CLVS1: variants seen among roughly 807,000 people sequenced by gnomAD.
The protein encoded by CLVS1 is clavesin 1, also known as clavesin-1.
A neutral mutation model predicts 33.1 loss-of-function variants in CLVS1; 10 were observed. That is an observed-to-expected ratio of 0.30 (90% CI 0.19 to 0.51). The LOEUF is 0.51. Ranked by LOEUF, CLVS1 falls within the 20% of genes least tolerant of loss-of-function variation. CLVS1 has a pLI of 0.97. For missense variants in CLVS1, 343 were observed against 433.4 expected (o/e 0.79, Z 1.85); for synonymous variants, 163 against 166.1 (o/e 0.98, Z 0.14).
chr8:61,199,509 C>T (rs998689186), intron 2 of CLVS1, among the ~76,000 whole-genome samples: 2 of 152,072 alleles, frequency 1.3e-5, no homozygotes, highest in African/African-American at 4.8e-5. Context: ...GGAAAAAATG[C>T]TCAATATCAC....
chr8:61,336,508 T>A (rs1279667440), intron 2 of CLVS1, among the ~76,000 whole-genome samples: 2 of 152,088 alleles, frequency 1.3e-5, no homozygotes, highest in African/African-American at 4.8e-5. Flanking sequence ...CCCGGCACCC[T>A]GGGTGGTACA....
At chr8:61,193,281 A>G (rs910052444) in intron 2 of CLVS1, among the ~76,000 whole-genome samples, 3 of 152,180 alleles carry the variant, frequency 2.0e-5, no homozygotes, top group Admixed American at 2.0e-4. Flanking sequence ...CAAAAATCCA[A>G]ACACCACATG....
chr8:61,356,729 G>A lies in CLVS1; in HGVS notation c.456-19876G>A, dbSNP rs561640955. On this transcript the variant is annotated intron_variant, in intron 2 of 5. Coordinates refer to ENST00000325897, the MANE Select transcript of CLVS1 (RefSeq NM_173519.3). Reference sequence around the variant, plus strand: ...TGTCAAAAGTCAGATAGTTGTAGATGTGCGGCATTATTTCTGAGGGCTCTG... The same window carrying A: ...TGTCAAAAGTCAGATAGTTGTAGATATGCGGCATTATTTCTGAGGGCTCTG... 5.3e-5 allele frequency among the ~76,000 whole-genome samples: 8 copies of A among 152,260 alleles called. No individual in the cohort carries two copies. In the East Asian group the frequency reaches 1.5e-3, roughly 29 times the overall value.
chr8:61,232,040 T>TTTTTTTTTTTTG (rs1808453785), intron 2 of CLVS1, among the ~76,000 whole-genome samples: 1 of 136,368 alleles, frequency 7.3e-6, no homozygotes, highest in East Asian at 2.2e-4. Flanking sequence ...TTTTTTTTTT[T>TTTTTTTTTTTTG]TTTTTTTTTT....
chr8:61,423,737 C>T (rs935595195), intron 3 of CLVS1, among the ~76,000 whole-genome samples: 8 of 152,076 alleles, frequency 5.3e-5, no homozygotes, highest in African/African-American at 1.9e-4. Context: ...AGATTTTATG[C>T]AGATTCTTAG....
intron 2 of CLVS1, among the ~76,000 whole-genome samples, chr8:61,226,215 T>A (rs1316006181): frequency 6.6e-6 from 1 of 152,146 alleles, no homozygotes; most frequent in Non-Finnish European, 1.5e-5. Flanking sequence ...ATTAATGTGC[T>A]CCAGAAACAA....
At chr8:61,072,748 C>T (rs1804821869) in intron 1 of CLVS1, among the ~76,000 whole-genome samples, 1 of 152,198 alleles carries the variant, frequency 6.6e-6, no homozygotes, top group Admixed American at 6.5e-5. Flanking sequence ...AGCTCACACT[C>T]TCACATAAAA....
chr8:61,177,428 C>A (rs1375963769), intron 2 of CLVS1, among the ~76,000 whole-genome samples: 1 of 152,178 alleles, frequency 6.6e-6, no homozygotes, highest in Non-Finnish European at 1.5e-5. Context: ...ATCCATCAGC[C>A]CAGACGAGTA....
chr8:61,215,992 G>C (rs929675121), intron 2 of CLVS1, among the ~76,000 whole-genome samples: 1 of 152,122 alleles, frequency 6.6e-6, no homozygotes, highest in Non-Finnish European at 1.5e-5. Flanking sequence ...TTTGTGAAAG[G>C]AGTTATCTTA....
At chr8:61,040,542 A>C in the CLVS1 span, among the ~76,000 whole-genome samples, 4 of 152,190 alleles carry the variant, frequency 2.6e-5, no homozygotes, top group Non-Finnish European at 5.9e-5. Flanking sequence ...GACTGGTGTG[A>C]GATGGTATCT....
At chr8:60,976,450 TG>T in the CLVS1 span, among the ~76,000 whole-genome samples, 1 of 152,062 alleles carries the variant, frequency 6.6e-6, no homozygotes, top group East Asian at 1.9e-4. Flanking sequence ...CTCCACCTCT[TG>T]GGCTCAAGCA....
intron 1 of CLVS1, among the ~76,000 whole-genome samples, chr8:61,089,991 TA>T (rs1186268617): frequency 6.6e-6 from 1 of 152,236 alleles, no homozygotes; most frequent in Non-Finnish European, 1.5e-5. Flanking sequence ...CATCTAATGC[TA>T]ATTTGGTTGC....
At chr8:61,484,286 C>T (rs928873302) in intron 5 of CLVS1, among the ~76,000 whole-genome samples, 2 of 152,042 alleles carry the variant, frequency 1.3e-5, no homozygotes, top group Admixed American at 6.6e-5. Flanking sequence ...ACAAGCATTC[C>T]TGTACACCAA....
intron 3 of CLVS1, among the ~76,000 whole-genome samples, chr8:61,413,970 A>G (rs1227729567): frequency 6.6e-6 from 1 of 152,254 alleles, no homozygotes; most frequent in Non-Finnish European, 1.5e-5. Context: ...CTGAACTTAC[A>G]GGGAACTGCA....
rs182375195 is a variant in CLVS1, at chr8:61,481,682, G to A, written c.978-17773G>A. 1.8e-3 allele frequency among the ~76,000 whole-genome samples: 267 copies of A among 152,354 alleles called. 1 individual carries two copies. The highest frequency in any genetic ancestry group is 5.9e-3 in the African/African-American group (247 of 41,588). On this transcript the variant is annotated intron_variant, in intron 5 of 5. Transcript: ENST00000325897. ...TCTGTCATTGCTGAGGCTTGAGTAG[G>A]TAAACAAAGAGGCTGGGAAGCTCTA...
intron 1 of CLVS1, among the ~76,000 whole-genome samples, chr8:61,126,902 A>G (rs1805983558): frequency 1.3e-5 from 2 of 152,248 alleles, no homozygotes; most frequent in Admixed American, 1.3e-4. Context: ...TAAGTAGCAC[A>G]GAAGACTCTA....
chr8:61,273,853 C>A (rs570185717), intron 2 of CLVS1: 10 of 154,848 alleles, frequency 6.5e-5, no homozygotes, highest in Non-Finnish European at 8.6e-5. Flanking sequence ...CTTCGGGTCG[C>A]GCACGGTGCG....
chr8:60,983,049 A>G, the CLVS1 span, among the ~76,000 whole-genome samples: 1 of 152,206 alleles, frequency 6.6e-6, no homozygotes, highest in East Asian at 1.9e-4. Context: ...TTATTATTAA[A>G]TTGAATTATT....
At chr8:61,376,463 G>A in intron 2 of CLVS1, 142 bp from the exon 3 acceptor site, 1 of 662,654 alleles carries the variant, frequency 1.5e-6, no homozygotes, top group Non-Finnish European at 2.5e-6. Context: ...TGTATTTTCA[G>A]TCCCTTTGGG....
Sources: allele counts gnomAD v4.1 joint callset (sites outside exome capture counted in the v4.1 genomes callset), GRCh38; gene constraint gnomAD v4.1.1; transcripts MANE v1.5; gene names NCBI Gene and HGNC (gene_info 2026-07-23, HGNC 2026-07-21).